DYRK1B: variants seen among roughly 807,000 people sequenced by gnomAD.
DYRK1B encodes the protein dual specificity tyrosine phosphorylation regulated kinase 1B.
In DYRK1B, 20 loss-of-function variants were observed where a neutral mutation model predicts 57.1. The observed-to-expected ratio is 0.35, with a 90% confidence interval of 0.25 to 0.51. DYRK1B has a LOEUF of 0.51. Among genes scored for constraint, DYRK1B ranks in the 20% least tolerant of loss-of-function variants. The pLI is 0.96. For synonymous variants in DYRK1B, 409 were observed against 384.7 expected (o/e 1.06, Z -0.74); for missense variants, 732 against 886.3 (o/e 0.83, Z 2.21).
At position 39,826,380 on chromosome 19, in the gene DYRK1B, C is replaced by A; in HGVS notation, c.1412-94G>T. 1.9e-6 allele frequency: 2 copies of A among 1,075,430 alleles called. No homozygotes were observed. Among genetic ancestry groups the A allele is most frequent in the Non-Finnish European group, 2.6e-6 (2 of 761,236 alleles). The allele number at this position is 1,075,430 out of a possible 1,614,324, so 66.6% of individuals were successfully genotyped here. On this transcript the variant is annotated intron_variant, in intron 9 of 10. Transcript: ENST00000323039. The surrounding 1 kb of genome is among the most constrained non-coding windows in gnomAD (Gnocchi z 6.3). ...GGCTGAGGGAAGGTCACGGCCCAGG[C>A]TCAGGTTCAGGCTTCAAGAGCAGAG...
chr19:39,825,762 G>A lies in DYRK1B; in HGVS notation c.1843C>T (p.His615Tyr), dbSNP rs919488419. ...TGGGGTACACCACGGAGGCCCAGGT[G>A]AGGCCCCAGAGTGGCAGGGTCATCA... Reference protein sequence around the residue: ...PPDDPATLGPHLGLRGVPQST... With the variant: ...PPDDPATLGPYLGLRGVPQST... The change falls in exon 11 of 11, where the codon CAC becomes TAC. Residue 615 changes from histidine to tyrosine, a missense_variant. His to Tyr is a moderately conservative substitution (Grantham distance 83, BLOSUM62 2). Around this residue, in one of 2 missense-constraint regions of DYRK1B, gnomAD observed 222 missense variants for 205.0 expected, o/e 1.08. Transcript: ENST00000323039. 6 of 1,568,962 alleles carry A rather than the reference G, an allele frequency of 3.8e-6. No individual in the cohort carries two copies.
At chr19:39,827,022 G>T in intron 8 of DYRK1B, 35 bp from the exon 9 acceptor site, 1 of 1,370,690 alleles carries the variant, frequency 7.3e-7, no homozygotes, top group Non-Finnish European at 9.5e-7. Flanking sequence ...GGGCAAGAGA[G>T]TGGCCGTCAG....
rs985143313 is a variant in DYRK1B at position 39,834,086 on chromosome 19, C to G, written c.-165G>C. 5.3e-5 allele frequency: 10 copies of G among 187,912 alleles called. No homozygotes were observed. Among genetic ancestry groups the G allele is most frequent in the Non-Finnish European group, 1.0e-4 (9 of 88,040 alleles). The allele number at this position is 187,912 out of a possible 1,614,324, so 11.6% of individuals were successfully genotyped here. The stretch of plus-strand genomic sequence containing the variant: ...GCCCGAGCTCAGACCTGCCCACTGG[C>G]TGAGGGTATCCGGCGGACGCGGCAA... On this transcript the variant is annotated 5_prime_UTR_variant, in exon 1 of 11. Transcript: ENST00000323039.
intron 5 of DYRK1B, among the ~76,000 whole-genome samples, chr19:39,829,350 C>T (rs1414958826): frequency 1.3e-5 from 2 of 151,996 alleles, no homozygotes; most frequent in Admixed American, 6.6e-5. Context: ...CCTCAGCCTC[C>T]TGAGTAGCTG....
chr19:39,832,416 C>T (rs1968860787), intron 1 of DYRK1B, among the ~76,000 whole-genome samples: 1 of 152,118 alleles, frequency 6.6e-6, no homozygotes, highest in African/African-American at 2.4e-5. Context: ...GTAGTCTTCC[C>T]TGAACATCAG....
chr19:39,828,420 C>T lies in DYRK1B; in HGVS notation c.684G>A (p.Leu228=). The T allele has an allele frequency of 1.2e-6, 2 of 1,614,002 alleles. No individual in the cohort carries two copies. The highest frequency in any genetic ancestry group is 4.5e-5 in the East Asian group (2 of 44,886). ...AQQLCTALLF[L]ATPELSIIHC... ...GAATGATGCTGAGCTCAGGCGTGGC[C>T]AGAAAGAGCAGTGCCGTGCAGAGCT... Residue 228 remains leucine, a synonymous_variant, in exon 6 of 11, where the codon CTG becomes CTA. Transcript: ENST00000323039. The surrounding 1 kb of genome is among the most constrained non-coding windows in gnomAD (Gnocchi z 4.3).
At chr19:39,827,014 G>GGGGGGGGGGGGGGGGGGGGGGGC in intron 8 of DYRK1B, 27 bp from the exon 9 acceptor site, 1 of 419,590 alleles carries the variant, frequency 2.4e-6, no homozygotes, top group Non-Finnish European at 4.3e-6. Flanking sequence ...GGGAGGGGGG[G>GGGGGGGGGGGGGGGGGGGGGGGC]CAAGAGAGTG....
chr19:39,828,327 G>C lies in DYRK1B; in HGVS notation c.777C>G (p.Asp259Glu), dbSNP rs756931266. ...NPKRSAIKIV[D>E]FGSSCQLGQR... The stretch of plus-strand genomic sequence containing the variant: ...GGCCAAGCTGGCAGGAGCTGCCGAA[G>C]TCCACAATCTTGATGGCGCTGCGCT... The change falls in exon 6 of 11, where the codon GAC becomes GAG. Residue 259 changes from aspartate to glutamate, a missense_variant. Around this residue, in one of 2 missense-constraint regions of DYRK1B, gnomAD observed 510 missense variants for 681.3 expected, o/e 0.75. Coordinates refer to ENST00000323039, the MANE Select transcript of DYRK1B (RefSeq NM_004714.3). The surrounding 1 kb of genome is among the most constrained non-coding windows in gnomAD (Gnocchi z 4.3). The C allele has an allele frequency of 6.2e-7, 1 of 1,614,206 alleles. No homozygotes were observed. The highest frequency in any genetic ancestry group is 2.2e-5 in the East Asian group (1 of 44,882).
chr19:39,825,849 G>A lies in DYRK1B; in HGVS notation c.1756C>T (p.His586Tyr), dbSNP rs535356386. 11 of 1,608,834 alleles carry A rather than the reference G, an allele frequency of 6.8e-6. No individual in the cohort carries two copies. The African/African-American group carries it at 9.3e-5, about 14-fold the overall frequency. ...SPPHPAPAPQ[H>Y]PAASALRTRM... The stretch of plus-strand genomic sequence containing the variant: ...GTCCGGAGGGCTGAGGCAGCCGGGT[G>A]CTGGGGGGCAGGCGCTGGGTGAGGT... The change falls in exon 11 of 11, where the codon CAC (histidine) becomes TAC (tyrosine). Residue 586 changes from histidine (H) to tyrosine (Y), a missense_variant. This residue lies in a region of DYRK1B where 222 missense variants were observed against 205.0 expected (regional missense o/e 1.08). Transcript: ENST00000323039.
Position 39,825,903 on chromosome 19 carries a change from G to C in DYRK1B, c.1702C>G (p.Leu568Val). Reference sequence around the variant, plus strand: ...GAGCAGTCAGCAGGGCCGCCCACCAGGCTCACATCCATCAGCTCCGGGGGT... The same window carrying C: ...GAGCAGTCAGCAGGGCCGCCCACCACGCTCACATCCATCAGCTCCGGGGGT... ...PPPPELMDVS[L>V]VGGPADCSPP... The change falls in exon 11 of 11, where the codon CTG becomes GTG. Residue 568 changes from leucine (L) to valine (V), a missense_variant. By Grantham distance (32) the Leu-to-Val change is conservative. Around this residue, in one of 2 missense-constraint regions of DYRK1B, gnomAD observed 222 missense variants for 205.0 expected, o/e 1.08. Transcript: ENST00000323039. The C allele has an allele frequency of 6.4e-7, 1 of 1,571,252 alleles. No homozygotes were observed. The highest frequency in any genetic ancestry group is 1.3e-5 in the African/African-American group (1 of 74,098).
rs1179508617 is a variant in DYRK1B at position 39,826,361 on chromosome 19, G to C, written c.1412-75C>G. The C allele has an allele frequency of 1.6e-6, 2 of 1,258,330 alleles. No individual in the cohort carries two copies. The highest frequency in any genetic ancestry group is 1.5e-5 in the African/African-American group (1 of 65,300). 77.9% of individuals were successfully genotyped at this position (1,258,330 alleles called of 1,614,324 possible). ...GGCGAGTGGGTTTTGGGATGGCTGAGGGAAGGTCACGGCCCAGGCTCAGGT... is the reference window on the plus strand; with the variant it reads ...GGCGAGTGGGTTTTGGGATGGCTGACGGAAGGTCACGGCCCAGGCTCAGGT... On this transcript the variant is annotated intron_variant, in intron 9 of 10. Transcript: ENST00000323039. The surrounding 1 kb of genome is among the most constrained non-coding windows in gnomAD (Gnocchi z 6.3).
Position 39,826,095 on chromosome 19 carries a change from G to T in DYRK1B, c.1519-9C>A. ...GGCTGGGAGGGTGGGACCTAAAAAA[G>T]CAAAGGAGCCATGGGTGATGGAGAC... is the stretch of plus-strand genomic sequence containing the variant. On this transcript the variant is annotated splice_polypyrimidine_tract_variant and intron_variant, in intron 10 of 10. Transcript: ENST00000323039. This position sits in a 1 kb window ranked among gnomAD's most constrained non-coding sequence, Gnocchi z 6.3. The T allele has an allele frequency of 6.5e-7, 1 of 1,529,326 alleles. No individual in the cohort carries two copies. Among genetic ancestry groups the T allele is most frequent in the Non-Finnish European group, 8.7e-7 (1 of 1,142,922 alleles). The allele number at this position is 1,529,326 out of a possible 1,614,324, so 94.7% of individuals were successfully genotyped here.
At position 39,825,706 on chromosome 19, in the gene DYRK1B, G is replaced by A. The variant is rs370237703; in HGVS notation, c.*9C>T. 1.6e-5 allele frequency: 24 copies of A among 1,546,960 alleles called. No individual in the cohort carries two copies. Among genetic ancestry groups the A allele is most frequent in the Non-Finnish European group, 2.0e-5 (23 of 1,147,452 alleles). ...TGGCTTCAGGAGGGGCCCCAGGGAG[G>A]GGGCAGGGTCACGAGCTGGCTGCTG... is the stretch of plus-strand genomic sequence containing the variant. On this transcript the variant is annotated 3_prime_UTR_variant, in exon 11 of 11. Coordinates refer to ENST00000323039, the MANE Select transcript of DYRK1B (RefSeq NM_004714.3).
intron 6 of DYRK1B, 39 bp from the exon 7 acceptor site, chr19:39,827,695 T>TACTGGTCCCACTGACACCCCC: frequency 1.3e-6 from 2 of 1,598,092 alleles, no homozygotes; most frequent in African/African-American, 2.7e-5. Flanking sequence ...CAGCCTCCCC[T>TACTGGTCCCACTGACACCCCC]ACTGGTCCCA....
At position 39,827,643 on chromosome 19, in the gene DYRK1B, A is replaced by G; in HGVS notation, c.821T>C (p.Ile274Thr). The G allele has an allele frequency of 1.2e-6, 2 of 1,613,782 alleles. No individual in the cohort carries two copies. Among genetic ancestry groups the G allele is most frequent in the South Asian group, 2.2e-5 (2 of 91,080 alleles). The change falls in exon 7 of 11, where the codon ATC becomes ACC. Residue 274 changes from isoleucine to threonine, a missense_variant. Physicochemically the swap from Ile to Thr is moderately conservative, Grantham distance 89 (BLOSUM62 -1). Around this residue, in one of 2 missense-constraint regions of DYRK1B, gnomAD observed 510 missense variants for 681.3 expected, o/e 0.75. Transcript: ENST00000323039. ...AGGTGAGCGGTAGAAGCGGCTCTGGATATACTGGTAGATCTGGGAAAAGGG... is the reference window on the plus strand; with the variant it reads ...AGGTGAGCGGTAGAAGCGGCTCTGGGTATACTGGTAGATCTGGGAAAAGGG... The part of the protein sequence containing the change: ...CQLGQRIYQY[I>T]QSRFYRSPEV...
intron 2 of DYRK1B, 84 bp downstream of exon 2, chr19:39,831,721 C>T (rs375790007): frequency 6.6e-7 from 1 of 1,514,752 alleles, no homozygotes. Context: ...TCTTGGGCAA[C>T]CACACTACCT....
chr19:39,834,126 T>A lies in DYRK1B; in HGVS notation c.-205A>T, dbSNP rs2145047610. On this transcript the variant is annotated 5_prime_UTR_variant, in exon 1 of 11. Coordinates refer to ENST00000323039, the MANE Select transcript of DYRK1B (RefSeq NM_004714.3). ...GGACGCGGCAAGCCAGGGCCCCGAT[T>A]ACCCAGTAATGCAACCAGCAAAATG... 5.2e-6 allele frequency: 1 copy of A among 193,350 alleles called. No homozygotes were observed. The highest frequency in any genetic ancestry group is 2.2e-3 in the Middle Eastern group (1 of 454). The allele number at this position is 193,350 out of a possible 1,614,324, so 12.0% of individuals were successfully genotyped here.
rs1366590862 is a variant in DYRK1B, at chr19:39,826,650, A to G, written c.1411+22T>C. 1.3e-6 allele frequency: 2 copies of G among 1,573,974 alleles called. No individual in the cohort carries two copies. Among genetic ancestry groups the G allele is most frequent in the Non-Finnish European group, 1.7e-6 (2 of 1,162,548 alleles). ...GAGCAGCCCCCACCCGTTGTACCCC[A>G]TTTGGGCACCTGGGCACCCACCAGA... On this transcript the variant is annotated intron_variant, in intron 9 of 10. Coordinates refer to ENST00000323039, the MANE Select transcript of DYRK1B (RefSeq NM_004714.3). This position sits in a 1 kb window ranked among gnomAD's most constrained non-coding sequence, Gnocchi z 6.3.
intron 8 of DYRK1B, 59 bp downstream of exon 8, chr19:39,827,226 C>T: frequency 6.5e-7 from 1 of 1,550,120 alleles, no homozygotes; most frequent in Non-Finnish European, 8.8e-7. Context: ...GGGGAGAGAG[C>T]CCCAAGTGTG....
Sources: gnomAD v4.1 joint callset for allele counts (sites outside exome capture counted in the v4.1 genomes callset) on GRCh38, gnomAD v4.1.1 for gene constraint, gnomAD v4.1.1 regional missense constraint, Gnocchi (gnomAD v3.1) non-coding constraint, MANE v1.5 for transcripts, NCBI Gene and HGNC (gene_info 2026-07-23, HGNC 2026-07-21) for gene names.